The following MINDY2 variants were observed in gnomAD, a reference collection of about 807,000 sequenced individuals.
MINDY2 encodes the protein MINDY lysine 48 deubiquitinase 2.
MINDY2 carries 52 observed loss-of-function variants against 68.2 expected under a neutral mutation model. That is an observed-to-expected ratio of 0.76 (90% confidence interval 0.61 to 0.96). The LOEUF is 0.96. MINDY2 is among the 40% of genes least tolerant of loss of function. The pLI, the probability that MINDY2 is intolerant of heterozygous loss-of-function variation, is 0.00. For missense variants in MINDY2, 881 were observed against 773.4 expected (o/e 1.14, Z -1.65); for synonymous variants, 372 against 303.0 (o/e 1.23, Z -2.36).
chr15:58,791,215 T>TATA (rs1901872070), intron 2 of MINDY2, among the ~76,000 whole-genome samples: 4 of 79,586 alleles, frequency 5.0e-5, no homozygotes, highest in African/African-American at 1.1e-4. Flanking sequence ...GAAAGCAATT[T>TATA]TATATATATA....
intron 2 of MINDY2, among the ~76,000 whole-genome samples, chr15:58,794,972 G>C (rs1394031932): frequency 1.3e-5 from 2 of 151,612 alleles, no homozygotes; most frequent in Non-Finnish European, 1.5e-5. Context: ...CTGATCACGA[G>C]GTCAGGAGAT....
In MINDY2 at chr15:58,810,626, G is replaced by T. The variant is rs1016759899; in HGVS notation, c.1122+238G>T. 1.1e-4 allele frequency among the ~76,000 whole-genome samples: 16 copies of T among 152,248 alleles called. No individual in the cohort carries two copies. The Middle Eastern group carries it at 0.01, about 97-fold the overall frequency. On this transcript the variant is annotated intron_variant, in intron 4 of 8. Coordinates refer to ENST00000559228, the MANE Select transcript of MINDY2 (RefSeq NM_001040450.3). ...AGGTTAGAGGGAAGAGCTCATAGAA[G>T]ACCACCCGTACTTCTCACACCAATC...
At chr15:58,830,123 A>G (rs1311362377) in intron 5 of MINDY2, among the ~76,000 whole-genome samples, 3 of 152,202 alleles carry the variant, frequency 2.0e-5, no homozygotes, top group South Asian at 2.1e-4. Context: ...AAAAATATGT[A>G]TACAGTTGAT....
At chr15:58,787,999 A>G (rs369638718) in intron 2 of MINDY2, 36 bp downstream of exon 2, 9 of 1,480,494 alleles carry the variant, frequency 6.1e-6, no homozygotes, top group Non-Finnish European at 8.3e-6. Flanking sequence ...ATCTCTTTCA[A>G]AACAAAAGTT....
rs964941179 is a variant in MINDY2 at position 58,781,530 on chromosome 15, T to C, written c.841-6376T>C. On this transcript the variant is annotated intron_variant, in intron 1 of 8. Coordinates refer to ENST00000559228, the MANE Select transcript of MINDY2 (RefSeq NM_001040450.3). The stretch of plus-strand genomic sequence containing the variant: ...TACTCTGAGGATAGGGTCTAAATTA[T>C]GATAAAAACTGATGAAAGTGTTTCA... 2.0e-5 allele frequency among the ~76,000 whole-genome samples: 3 copies of C among 152,344 alleles called. No homozygotes were observed. The East Asian group carries it at 5.8e-4, about 29-fold the overall frequency.
Position 58,771,340 on chromosome 15 carries a change from G to A in MINDY2, c.-56G>A. On this transcript the variant is annotated 5_prime_UTR_variant, in exon 1 of 9. Coordinates refer to ENST00000559228, the MANE Select transcript of MINDY2 (RefSeq NM_001040450.3). ...ATACAGCTGTCATGGCGTCCAAGGCGCTGGCTGCGGAGAAGTGGCCGCGGT... is the reference window on the plus strand; with the variant it reads ...ATACAGCTGTCATGGCGTCCAAGGCACTGGCTGCGGAGAAGTGGCCGCGGT... 1 of 1,554,430 alleles carries A rather than the reference G, an allele frequency of 6.4e-7. No individual in the cohort carries two copies. The highest frequency in any genetic ancestry group is 8.7e-7 in the Non-Finnish European group (1 of 1,152,766).
chr15:58,846,383 G>C (rs1300502451), intron 6 of MINDY2, among the ~76,000 whole-genome samples: 2 of 152,060 alleles, frequency 1.3e-5, no homozygotes, highest in African/African-American at 4.8e-5. Flanking sequence ...CACGAGGTCA[G>C]GAGATCGAGA....
At chr15:58,830,068 TACTC>T (rs1482379649) in intron 5 of MINDY2, among the ~76,000 whole-genome samples, 3 of 152,174 alleles carry the variant, frequency 2.0e-5, no homozygotes, top group Non-Finnish European at 1.5e-5. Flanking sequence ...CATCTCTACT[TACTC>T]CAAAAGGAAG....
At chr15:58,790,865 TA>T (rs1383744657) in intron 2 of MINDY2, among the ~76,000 whole-genome samples, 4 of 152,056 alleles carry the variant, frequency 2.6e-5, no homozygotes, top group Non-Finnish European at 5.9e-5. Flanking sequence ...TTTTTGTTTT[TA>T]GATGTTTATT....
At chr15:58,802,284 A>G in intron 2 of MINDY2, 29 bp from the exon 3 acceptor site, 5 of 1,485,442 alleles carry the variant, frequency 3.4e-6, no homozygotes, top group African/African-American at 2.8e-5. Flanking sequence ...TTAAAAGGCA[A>G]TTTTACAATT....
chr15:58,844,546 C>A (rs539406625), intron 6 of MINDY2, among the ~76,000 whole-genome samples: 57 of 104,000 alleles, frequency 5.5e-4, no homozygotes, highest in African/African-American at 2.0e-3. Flanking sequence ...GGCGACAGAG[C>A]GAGACTCCGT....
intron 6 of MINDY2, among the ~76,000 whole-genome samples, chr15:58,834,898 T>C (rs2031919453): frequency 6.6e-6 from 1 of 152,172 alleles, no homozygotes; most frequent in Admixed American, 6.5e-5. Context: ...ACTTCAACAT[T>C]TTAGCTAGAT....
intron 1 of MINDY2, among the ~76,000 whole-genome samples, chr15:58,775,462 TAAAG>T (rs1477322305): frequency 1.3e-5 from 2 of 152,234 alleles, no homozygotes; most frequent in South Asian, 2.1e-4. Context: ...AATTGCTAGA[TAAAG>T]AAATGACATG....
In MINDY2 at chr15:58,847,311, G is replaced by T. The variant is rs1222128875; in HGVS notation, c.1383G>T (p.Leu461Phe). The T allele has an allele frequency of 6.3e-7, 1 of 1,576,292 alleles. No homozygotes were observed. The highest frequency in any genetic ancestry group is 8.7e-7 in the Non-Finnish European group (1 of 1,151,404). Residue 461 changes from leucine to phenylalanine, a missense_variant, in exon 7 of 9, where the codon TTG becomes TTT. Physicochemically the swap from Leu to Phe is conservative, Grantham distance 22 (BLOSUM62 0). Transcript: ENST00000559228. ...TTCTTATTAAGGGTCAACTGTATTT[G>T]TTGGTAACGGACCAGGGGTTTCTTA... Reference protein sequence around the residue: ...TMTKYKGQLYLLVTDQGFLTE... With the variant: ...TMTKYKGQLYFLVTDQGFLTE...
chr15:58,797,656 T>C (rs1902373901), intron 2 of MINDY2, among the ~76,000 whole-genome samples: 1 of 152,216 alleles, frequency 6.6e-6, no homozygotes, highest in Non-Finnish European at 1.5e-5. Flanking sequence ...TGCCACTCCA[T>C]AGCTCTTATC....
chr15:58,775,859 A>T (rs1462042126), intron 1 of MINDY2, among the ~76,000 whole-genome samples: 3 of 139,580 alleles, frequency 2.1e-5, no homozygotes, highest in Non-Finnish European at 3.1e-5. Flanking sequence ...AAGAGGCTAA[A>T]TTTTTTTTTT....
rs535611885 is a variant in MINDY2 at position 58,822,004 on chromosome 15, T to A, written c.1225+185T>A. On this transcript the variant is annotated intron_variant, in intron 5 of 8. Coordinates refer to ENST00000559228, the MANE Select transcript of MINDY2 (RefSeq NM_001040450.3). ...GTGGCTCCCGCCTGTAATCCCAGCA[T>A]TTTGAGAGGCCAAGGCAGGCAGATC... is the stretch of plus-strand genomic sequence containing the variant. 2.6e-5 allele frequency among the ~76,000 whole-genome samples: 4 copies of A among 152,258 alleles called. No individual in the cohort carries two copies. The South Asian group carries it at 8.3e-4, about 32-fold the overall frequency.
intron 3 of MINDY2, among the ~76,000 whole-genome samples, chr15:58,807,789 C>G (rs1047425482): frequency 2.6e-5 from 4 of 152,280 alleles, no homozygotes; most frequent in Admixed American, 2.6e-4. Flanking sequence ...TAGACTTTAT[C>G]TCCTACAACT....
chr15:58,830,151 G>A (rs1238160532), intron 5 of MINDY2, among the ~76,000 whole-genome samples: 7 of 152,156 alleles, frequency 4.6e-5, no homozygotes, highest in African/African-American at 1.7e-4. Context: ...ATTCATGGTA[G>A]CTATGTTCTA....
Sources: allele counts gnomAD v4.1 joint callset (sites outside exome capture counted in the v4.1 genomes callset), GRCh38; gene constraint gnomAD v4.1.1; transcripts MANE v1.5; gene names NCBI Gene and HGNC (gene_info 2026-07-23, HGNC 2026-07-21).